The following GIPC2 variants were observed in gnomAD, a reference collection of about 807,000 sequenced individuals.
GIPC2 encodes the protein GIPC PDZ domain containing family member 2, also known as PDZ domain-containing protein GIPC2.
A neutral mutation model predicts 30.6 loss-of-function variants in GIPC2; 30 were observed. The ratio of observed to expected loss-of-function variants is 0.98; its 90% CI spans 0.73 to 1.33. The LOEUF (loss-of-function observed/expected upper bound fraction) is 1.33, where lower values mean the gene tolerates loss of function less well. Ranked by LOEUF, GIPC2 falls within the 40% of genes most tolerant of loss-of-function variation. The pLI, the probability that GIPC2 is intolerant of heterozygous loss-of-function variation, is 0.00. For missense variants in GIPC2, 414 were observed against 390.3 expected (o/e 1.06, Z -0.51); for synonymous variants, 167 against 150.0 (o/e 1.11, Z -0.83).
intron 3 of GIPC2, among the ~76,000 whole-genome samples, chr1:78,097,250 T>C (rs1662154916): frequency 6.6e-6 from 1 of 152,158 alleles, no homozygotes. Context: ...GGGCCAAGAA[T>C]TCAAATTTCA....
chr1:78,114,387 C>T (rs1410081634), intron 3 of GIPC2, among the ~76,000 whole-genome samples: 2 of 152,174 alleles, frequency 1.3e-5, no homozygotes, highest in Non-Finnish European at 2.9e-5. Context: ...TATGTGGTCT[C>T]CAAAACATTT....
chr1:78,126,759 C>T (rs1662790752), intron 5 of GIPC2, among the ~76,000 whole-genome samples: 1 of 152,150 alleles, frequency 6.6e-6, no homozygotes, highest in Non-Finnish European at 1.5e-5. Context: ...GCTATTGCTC[C>T]ACCCTCTGCA....
At position 78,136,663 on chromosome 1, in the gene GIPC2, T is replaced by C. The variant is rs1663012175; in HGVS notation, c.*920T>C. The C allele has an allele frequency of 7.1e-6, 1 of 139,906 alleles. No homozygotes were observed. The highest frequency in any genetic ancestry group is 1.5e-5 in the Non-Finnish European group (1 of 65,076). 8.7% of individuals were successfully genotyped at this position (139,906 alleles called of 1,614,324 possible). On this transcript the variant is annotated 3_prime_UTR_variant, in exon 6 of 6. Coordinates refer to ENST00000370759, the MANE Select transcript of GIPC2 (RefSeq NM_017655.6). ...AGCAGCACTTTTTAGTTCCCTAAAC[T>C]TTAGAAGAAATGCTATCAGAAATAG...
At chr1:78,096,700 T>C (rs1662142676) in intron 3 of GIPC2, among the ~76,000 whole-genome samples, 1 of 152,198 alleles carries the variant, frequency 6.6e-6, no homozygotes, top group Admixed American at 6.5e-5. Context: ...CACTGCCTTA[T>C]GTACCTAACT....
chr1:78,105,170 A>G (rs1010565163), intron 3 of GIPC2, among the ~76,000 whole-genome samples: 3 of 152,166 alleles, frequency 2.0e-5, no homozygotes, highest in Non-Finnish European at 4.4e-5. Flanking sequence ...TTTTTATCGA[A>G]TGCTCAGTTT....
At chr1:78,105,477 G>A (rs1571511774) in intron 3 of GIPC2, among the ~76,000 whole-genome samples, 1 of 151,884 alleles carries the variant, frequency 6.6e-6, no homozygotes, top group South Asian at 2.1e-4. Flanking sequence ...TAGTAGAGAC[G>A]GGGTTTCACC....
At chr1:78,127,068 G>T (rs1662796407) in intron 5 of GIPC2, among the ~76,000 whole-genome samples, 1 of 152,176 alleles carries the variant, frequency 6.6e-6, no homozygotes, top group Admixed American at 6.5e-5. Context: ...CAGTGTGGGG[G>T]TTTATGTCTG....
intron 1 of GIPC2, among the ~76,000 whole-genome samples, chr1:78,049,615 A>G (rs1179247644): frequency 3.9e-5 from 6 of 152,210 alleles, no homozygotes; most frequent in Non-Finnish European, 7.3e-5. Flanking sequence ...ATTGAGGAGA[A>G]AGGGAAAAGA....
chr1:78,135,681 C>T lies in GIPC2; in HGVS notation c.886C>T (p.Pro296Ser), dbSNP rs781227218. Reference sequence around the variant, plus strand: ...CGAAACTCTTGGAGACTTTGCGTTCCCAGACGAATTTGTCTTTGATGTTTG... The same window carrying T: ...CGAAACTCTTGGAGACTTTGCGTTCTCAGACGAATTTGTCTTTGATGTTTG... ...LDETLGDFAFPDEFVFDVWGV... is the reference protein window; with the variant it reads ...LDETLGDFAFSDEFVFDVWGV... The change falls in exon 6 of 6, where the codon CCA becomes TCA. Residue 296 changes from proline (P) to serine (S), a missense_variant. Physicochemically the swap from Pro to Ser is moderately conservative, Grantham distance 74. Transcript: ENST00000370759. 6.2e-7 allele frequency: 1 copy of T among 1,613,480 alleles called. No homozygotes were observed.
intron 4 of GIPC2, among the ~76,000 whole-genome samples, chr1:78,120,657 A>G (rs1372419174): frequency 2.0e-5 from 3 of 152,212 alleles, no homozygotes; most frequent in African/African-American, 7.2e-5. Flanking sequence ...AAGGTGAATG[A>G]GGAGCAAAGG....
chr1:78,066,357 T>C (rs1345168830), intron 1 of GIPC2, among the ~76,000 whole-genome samples: 1 of 152,220 alleles, frequency 6.6e-6, no homozygotes, highest in Non-Finnish European at 1.5e-5. Flanking sequence ...CAAGTCAGAA[T>C]AGTTATTATT....
At chr1:78,045,768 G>A, upstream of GIPC2, 4 of 1,092,420 alleles carry the variant, frequency 3.7e-6, no homozygotes, top group Non-Finnish European at 2.2e-6. Context: ...CTTCTAAGGC[G>A]TATTGTTCTG....
rs575287943 is a variant in GIPC2 at position 78,073,559 on chromosome 1, T to C, written c.241-7116T>C. 2.0e-5 allele frequency among the ~76,000 whole-genome samples: 3 copies of C among 152,220 alleles called. No homozygotes were observed. The South Asian group carries it at 6.2e-4, about 31-fold the overall frequency. ...TACTGCTTATGTTTAAAATCACATA[T>C]ACAAATAATGTAACTCTAGCTGCAT... is the stretch of plus-strand genomic sequence containing the variant. On this transcript the variant is annotated intron_variant, in intron 1 of 5. Coordinates refer to ENST00000370759, the MANE Select transcript of GIPC2 (RefSeq NM_017655.6).
intron 1 of GIPC2, among the ~76,000 whole-genome samples, chr1:78,057,825 A>G (rs534995684): frequency 6.6e-6 from 1 of 152,324 alleles, no homozygotes; most frequent in South Asian, 2.1e-4. Flanking sequence ...CCTTGGCCAC[A>G]TGGAGCTTAC....
chr1:78,066,409 A>G (rs190216518), intron 1 of GIPC2, among the ~76,000 whole-genome samples: 2,480 of 152,352 alleles, frequency 0.016, 23 homozygotes, highest in Non-Finnish European at 0.027. Context: ...ATTGCAGAGA[A>G]AAAGGAACAT....
At chr1:78,083,544 T>C (rs901408240) in intron 2 of GIPC2, among the ~76,000 whole-genome samples, 4 of 152,212 alleles carry the variant, frequency 2.6e-5, no homozygotes, top group African/African-American at 9.6e-5. Context: ...CTTACTTGCA[T>C]GGCACAAATT....
At position 78,046,041 on chromosome 1, in the gene GIPC2, G is replaced by A. The variant is rs1016829519; in HGVS notation, c.-54G>A. ...GGGGCGCAAAGTCCGAGGCGCCGGG[G>A]GGAGGAGGCGGCGGACGGCAGCGCA... On this transcript the variant is annotated 5_prime_UTR_variant, in exon 1 of 6. Coordinates refer to ENST00000370759, the MANE Select transcript of GIPC2 (RefSeq NM_017655.6). 2.9e-6 allele frequency: 4 copies of A among 1,400,106 alleles called. No individual in the cohort carries two copies. The highest frequency in any genetic ancestry group is 3.7e-6 in the Non-Finnish European group (4 of 1,079,532). The allele number at this position is 1,400,106 out of a possible 1,614,324, so 86.7% of individuals were successfully genotyped here.
Position 78,125,902 on chromosome 1 carries a change from G to A in GIPC2, c.736G>A (p.Ala246Thr). The change falls in exon 5 of 6, where the codon GCA becomes ACA. Residue 246 changes from alanine (A) to threonine (T), a missense_variant. Transcript: ENST00000370759. ...EEMPSETKAK[A>T]IEKIDDVLEL... The stretch of plus-strand genomic sequence containing the variant: ...AAAGCCTTCTGAAACCAAAGCAAAG[G>A]CAATTGAAAAGATTGATGATGTTCT... 2 of 1,584,000 alleles carry A rather than the reference G, an allele frequency of 1.3e-6. No individual in the cohort carries two copies. Among genetic ancestry groups the A allele is most frequent in the Non-Finnish European group, 8.7e-7 (1 of 1,152,914 alleles).
At chr1:78,064,435 C>A (rs1471579749) in intron 1 of GIPC2, among the ~76,000 whole-genome samples, 1 of 152,138 alleles carries the variant, frequency 6.6e-6, no homozygotes, top group East Asian at 1.9e-4. Flanking sequence ...ATCAAAGAGA[C>A]CCCTTGATAT....
Sources: gnomAD v4.1 joint callset for allele counts (sites outside exome capture counted in the v4.1 genomes callset) on GRCh38, gnomAD v4.1.1 for gene constraint, MANE v1.5 for transcripts, NCBI Gene and HGNC (gene_info 2026-07-23, HGNC 2026-07-21) for gene names.